Variants in DNAAF2 observed in about 807,000 individuals in gnomAD.
DNAAF2 encodes protein kintoun.
DNAAF2 carries 58 observed loss-of-function variants against 48.8 expected under a neutral mutation model. That is an observed-to-expected ratio of 1.19 (90% CI 0.96 to 1.48). The LOEUF (loss-of-function observed/expected upper bound fraction) is 1.48, where lower values mean the gene tolerates loss of function less well. Among genes scored for constraint, DNAAF2 ranks in the 40% most tolerant of loss-of-function variants. The pLI is 0.00. For missense variants in DNAAF2, 1,241 were observed against 1,116.1 expected, an observed-to-expected ratio of 1.11 and a Z score of -1.59; for synonymous variants, 567 against 481.2, an observed-to-expected ratio of 1.18 and a Z score of -2.33.
Position 49,626,035 on chromosome 14 carries a change from C to T in DNAAF2, c.2021G>A (p.Ser674Asn). ...IQINAKLQEC[S>N]NSDQLQGKEE... ...CTTTCCTTGTAGCTGATCAGAGTTA[C>T]TACATTCTTGCAACTGTGTCAAGAG... The change falls in exon 3 of 3, where the codon AGT becomes AAT. Residue 674 changes from serine to asparagine, a missense_variant. Ser to Asn is a conservative substitution (Grantham distance 46). Transcript: ENST00000298292. The T allele has an allele frequency of 6.7e-7, 1 of 1,487,088 alleles. No individual in the cohort carries two copies. The highest frequency in any genetic ancestry group is 8.9e-7 in the Non-Finnish European group (1 of 1,121,596). The allele number at this position is 1,487,088 out of a possible 1,614,324, so 92.1% of individuals were successfully genotyped here.
At chr14:49,632,483 T>C (rs1456684964) in intron 1 of DNAAF2, among the ~76,000 whole-genome samples, 2 of 151,958 alleles carry the variant, frequency 1.3e-5, no homozygotes, top group African/African-American at 2.4e-5. Context: ...TTCGCTCTTG[T>C]TGCCCAGGCT....
chr14:49,633,038 C>T (rs1354311199), intron 1 of DNAAF2, among the ~76,000 whole-genome samples: 1 of 152,092 alleles, frequency 6.6e-6, no homozygotes, highest in Non-Finnish European at 1.5e-5. Flanking sequence ...TCTCCTGCCT[C>T]AGCCTCCCGA....
rs964761675 is a variant in DNAAF2, at chr14:49,633,337, G to A, written c.1813C>T (p.His605Tyr). 1.2e-6 allele frequency: 2 copies of A among 1,614,018 alleles called. No individual in the cohort carries two copies. The stretch of plus-strand genomic sequence containing the variant: ...TAATACCACTCTCTCCAATGTCCAT[G>A]GCTCTCTGGAGATTTTGCCAGTTCT... Reference protein sequence around the residue: ...VIELAKSPESHGHWREWYYGV... With the variant: ...VIELAKSPESYGHWREWYYGV... Residue 605 changes from histidine to tyrosine, a missense_variant, in exon 1 of 3, where the codon CAT becomes TAT. Transcript: ENST00000298292.
chr14:49,635,046 A>G lies in DNAAF2; in HGVS notation c.104T>C (p.Met35Thr). The change falls in exon 1 of 3, where the codon ATG becomes ACG. Residue 35 changes from methionine to threonine, a missense_variant. By Grantham distance (81) the Met-to-Thr change is moderately conservative. Coordinates refer to ENST00000298292, the MANE Select transcript of DNAAF2 (RefSeq NM_018139.3). The stretch of plus-strand genomic sequence containing the variant: ...GAGCTCCTCGGCGTACTGGGAGAAC[A>G]TTCGCCGGAACTCCGGGTCCTGGAA... ...SAFQDPEFRRMFSQYAEELTD... is the reference protein window; with the variant it reads ...SAFQDPEFRRTFSQYAEELTD... 1.3e-6 allele frequency: 2 copies of G among 1,582,844 alleles called. No individual in the cohort carries two copies. The highest frequency in any genetic ancestry group is 2.3e-5 in the East Asian group (1 of 43,008).
chr14:49,634,599 T>C lies in DNAAF2; in HGVS notation c.551A>G (p.Asn184Ser). The C allele has an allele frequency of 1.2e-6, 2 of 1,606,528 alleles. No homozygotes were observed. The highest frequency in any genetic ancestry group is 8.5e-7 in the Non-Finnish European group (1 of 1,179,734). ...ATACTTGGCCTTCAGGGTCTTGGCA[T>C]TCCTGCGGTCCAGCTTCACGCCGAA... Reference protein sequence around the residue: ...KQFGVKLDRRNAKTLKAKYKG... With the variant: ...KQFGVKLDRRSAKTLKAKYKG... Residue 184 changes from asparagine (N) to serine (S), a missense_variant, in exon 1 of 3, where the codon AAT becomes AGT. Asn to Ser is a conservative substitution (Grantham distance 46, BLOSUM62 1). Transcript: ENST00000298292.
rs980425229 is a variant in DNAAF2, at chr14:49,634,791, G to A, written c.359C>T (p.Ser120Phe). ...GCCGGGCGCCAGGCTGTAGGGCAGG[G>A]ACCAGTGGCTGCCAGGAGCTGCGCC... ...DRGAAPGSHW[S>F]LPYSLAPGRE... Residue 120 changes from serine (S) to phenylalanine (F), a missense_variant, in exon 1 of 3, where the codon TCC becomes TTC. Coordinates refer to ENST00000298292, the MANE Select transcript of DNAAF2 (RefSeq NM_018139.3). 7.6e-6 allele frequency: 12 copies of A among 1,571,758 alleles called. No homozygotes were observed. The highest frequency in any genetic ancestry group is 9.5e-6 in the Non-Finnish European group (11 of 1,162,316).
At position 49,625,908 on chromosome 14, in the gene DNAAF2, T is replaced by G. The variant is rs1425845593; in HGVS notation, c.2148A>C (p.Ala716=). ...CTAAACCAAAGCTATCTATTTGTAGTGCTTTAACTGCTATAGATGAATCAG... is the reference window on the plus strand; with the variant it reads ...CTAAACCAAAGCTATCTATTTGTAGGGCTTTAACTGCTATAGATGAATCAG... ...TDSDSSIAVK[A]LQIDSFGLVT... is the part of the protein sequence containing the mutation. Residue 716 remains alanine (A), a synonymous_variant, in exon 3 of 3, where the codon GCA becomes GCC. Coordinates refer to ENST00000298292, the MANE Select transcript of DNAAF2 (RefSeq NM_018139.3). The G allele has an allele frequency of 3.1e-6, 5 of 1,613,478 alleles. No homozygotes were observed. Among genetic ancestry groups the G allele is most frequent in the Non-Finnish European group, 3.4e-6 (4 of 1,179,764 alleles).
rs758806519 is a variant in DNAAF2 at position 49,634,093 on chromosome 14, C to T, written c.1057G>A (p.Ala353Thr). Residue 353 changes from alanine to threonine, a missense_variant, in exon 1 of 3, where the codon GCG (alanine) becomes ACG (threonine). Transcript: ENST00000298292. ...VVTLPVVLPA[A>T]RREPAVAVAA... is the part of the protein sequence containing the mutation. ...ACGGCGACAGCGGGCTCCCGGCGCG[C>T]GGCCGGCAGCACCACTGGCAGCGTA... 6.5e-7 allele frequency: 1 copy of T among 1,541,586 alleles called. No homozygotes were observed. Among genetic ancestry groups the T allele is most frequent in the Non-Finnish European group, 8.7e-7 (1 of 1,144,318 alleles).
intron 1 of DNAAF2, chr14:49,629,147 G>A (rs1883087720): frequency 6.6e-6 from 1 of 152,090 alleles, no homozygotes; most frequent in South Asian, 2.1e-4. Context: ...TTTTTTTGTA[G>A]AGACAGGGTT....
In DNAAF2 at chr14:49,634,954, C is replaced by G; in HGVS notation, c.196G>C (p.Glu66Gln). 1 of 1,558,910 alleles carries G rather than the reference C, an allele frequency of 6.4e-7. No homozygotes were observed. Among genetic ancestry groups the G allele is most frequent in the Non-Finnish European group, 8.7e-7 (1 of 1,151,508 alleles). Residue 66 changes from glutamate (E) to glutamine (Q), a missense_variant, in exon 1 of 3, where the codon GAA (glutamate) becomes CAA (glutamine). By Grantham distance (29) the Glu-to-Gln change is conservative (BLOSUM62 2). Coordinates refer to ENST00000298292, the MANE Select transcript of DNAAF2 (RefSeq NM_018139.3). ...ITALERERGVEVRFVHPEPGH... is the reference protein window; with the variant it reads ...ITALERERGVQVRFVHPEPGH... ...GGCTCCGGGTGCACGAACCGCACTT[C>G]CACCCCGCGCTCACGCTCTAGCGCG...
chr14:49,634,611 A>G lies in DNAAF2; in HGVS notation c.539T>C (p.Leu180Pro), dbSNP rs773867321. The G allele has an allele frequency of 6.2e-6, 10 of 1,606,796 alleles. No individual in the cohort carries two copies. The South Asian group carries it at 6.6e-5, about 11-fold the overall frequency. ...EAVEKQFGVKLDRRNAKTLKA... is the reference protein window; with the variant it reads ...EAVEKQFGVKPDRRNAKTLKA... ...CAGGGTCTTGGCATTCCTGCGGTCC[A>G]GCTTCACGCCGAACTGCTTCTCGAC... The change falls in exon 1 of 3, where the codon CTG becomes CCG. Residue 180 changes from leucine to proline, a missense_variant. Leu to Pro is a moderately conservative substitution (Grantham distance 98). Transcript: ENST00000298292.
In DNAAF2 at chr14:49,625,499, T is replaced by C. The variant is rs749123028; in HGVS notation, c.*43A>G. The C allele has an allele frequency of 1.6e-6, 2 of 1,277,102 alleles. No homozygotes were observed. The highest frequency in any genetic ancestry group is 2.1e-6 in the Non-Finnish European group (2 of 968,748). 79.1% of individuals were successfully genotyped at this position (1,277,102 alleles called of 1,614,324 possible). On this transcript the variant is annotated 3_prime_UTR_variant, in exon 3 of 3. Coordinates refer to ENST00000298292, the MANE Select transcript of DNAAF2 (RefSeq NM_018139.3). ...TAACAGAATCAATTTTAGATACAGG[T>C]ATTTTTTAACCTTAATATTTAAAAG...
Position 49,634,514 on chromosome 14 carries a change from C to A in DNAAF2, c.636G>T (p.Arg212Ser). ...GAGGACCCTTCGGCTCCCCGTCAGG[C>A]CTTGCGGGGATGACCCCGGGCAGGG... ...RTPLPGVIPA[R>S]PDGEPKGPLP... Residue 212 changes from arginine to serine, a missense_variant, in exon 1 of 3, where the codon AGG (arginine) becomes AGT (serine). Transcript: ENST00000298292. 6.2e-7 allele frequency: 1 copy of A among 1,600,266 alleles called. No individual in the cohort carries two copies. Among genetic ancestry groups the A allele is most frequent in the Middle Eastern group, 1.7e-4 (1 of 6,020 alleles).
At position 49,625,677 on chromosome 14, in the gene DNAAF2, A is replaced by G; in HGVS notation, c.2379T>C (p.Thr793=). 1.9e-6 allele frequency: 3 copies of G among 1,613,734 alleles called. No individual in the cohort carries two copies. Among genetic ancestry groups the G allele is most frequent in the Non-Finnish European group, 2.5e-6 (3 of 1,179,764 alleles). The change falls in exon 3 of 3, where the codon ACT becomes ACC. Residue 793 remains threonine, a synonymous_variant. Transcript: ENST00000298292. ...CGAATCCAGGTATATTGTGAACCGT[A>G]GTTTTGTTCAGTAATGAAGATAGGT... ...GDHLSSLLNK[T]TVHNIPGFDS...
chr14:49,634,339 A>G lies in DNAAF2; in HGVS notation c.811T>C (p.Ser271Pro). The G allele has an allele frequency of 6.2e-7, 1 of 1,610,872 alleles. No homozygotes were observed. The highest frequency in any genetic ancestry group is 8.5e-7 in the Non-Finnish European group (1 of 1,179,400). ...ACGGGGCTCGGGGCTGAGTCCCTGG[A>G]GCAGCGGTAATCCTGGAGGTCCACG... ...HHVDLQDYRCSRDSAPSPVPH... is the reference protein window; with the variant it reads ...HHVDLQDYRCPRDSAPSPVPH... The change falls in exon 1 of 3, where the codon TCC becomes CCC. Residue 271 changes from serine to proline, a missense_variant. Ser to Pro is a moderately conservative substitution (Grantham distance 74, BLOSUM62 -1). Transcript: ENST00000298292.
At position 49,632,908 on chromosome 14, in the gene DNAAF2, T is replaced by C. The variant is rs562091191; in HGVS notation, c.1863+379A>G. Reference sequence around the variant, plus strand: ...TAAAGAGTCTTCAGAACTTCAAATTTTAAGTTGTTTTTTTTTTTGTTTTTT... The same window carrying C: ...TAAAGAGTCTTCAGAACTTCAAATTCTAAGTTGTTTTTTTTTTTGTTTTTT... On this transcript the variant is annotated intron_variant, in intron 1 of 2. Coordinates refer to ENST00000298292, the MANE Select transcript of DNAAF2 (RefSeq NM_018139.3). 6.1e-5 allele frequency among the ~76,000 whole-genome samples: 6 copies of C among 98,338 alleles called. No individual in the cohort carries two copies. The East Asian group carries it at 1.2e-3, about 19-fold the overall frequency. 64.5% of individuals were successfully genotyped at this position (98,338 alleles called of 152,430 possible). A position where few individuals can be genotyped will look rare whatever the true frequency, so the allele number is the denominator to read the frequency against.
At chr14:49,628,837 C>A (rs900360388) in intron 1 of DNAAF2, among the ~76,000 whole-genome samples, 1 of 152,188 alleles carries the variant, frequency 6.6e-6, no homozygotes, top group Non-Finnish European at 1.5e-5. Context: ...AGCTTTAAAA[C>A]ATTTCCTAAT....
At chr14:49,629,627 T>C (rs908635317) in intron 1 of DNAAF2, 3 of 151,686 alleles carry the variant, frequency 2.0e-5, no homozygotes, top group African/African-American at 7.3e-5. Flanking sequence ...GAGATTGCAG[T>C]GAGTCCAGCC....
rs777108430 is a variant in DNAAF2 at position 49,634,314 on chromosome 14, ACGGGGCT to A, written c.829_835del (p.Ser277CysfsTer6). The A allele has an allele frequency of 6.2e-7, 1 of 1,611,778 alleles. No homozygotes were observed. The highest frequency in any genetic ancestry group is 1.7e-5 in the Admixed American group (1 of 59,994). ...GATGGTGATCACCAGCTCATGGGGC[ACGGGGCT>A]CGGGGCTGAGTCCCTGGAGCAGCGG... On this transcript the variant is annotated frameshift_variant, in exon 1 of 3. Transcript: ENST00000298292. LOFTEE classifies it high-confidence loss of function.
Sources: allele counts gnomAD v4.1 joint callset (sites outside exome capture counted in the v4.1 genomes callset), GRCh38; gene constraint gnomAD v4.1.1; transcripts MANE v1.5; gene names NCBI Gene and HGNC (gene_info 2026-07-23, HGNC 2026-07-21).